The following SEPTIN7 variants were observed in gnomAD, a reference collection of about 807,000 sequenced individuals.
The protein encoded by SEPTIN7 is septin 7.
A neutral mutation model predicts 63.3 loss-of-function variants in SEPTIN7; 10 were observed. The ratio of observed to expected loss-of-function variants is 0.16; its 90% CI spans 0.10 to 0.27. SEPTIN7 has a LOEUF of 0.27. SEPTIN7 is among the 10% of genes least tolerant of loss of function. The pLI, the probability that SEPTIN7 is intolerant of heterozygous loss-of-function variation, is 1.00. For synonymous variants in SEPTIN7, 131 were observed against 165.3 expected, an observed-to-expected ratio of 0.79 and a Z score of 1.59; for missense variants, 310 against 521.0, an observed-to-expected ratio of 0.59 and a Z score of 3.94.
downstream of SEPTIN7, among the ~76,000 whole-genome samples, chr7:35,909,910 G>A (rs563771422): frequency 1.2e-4 from 19 of 152,356 alleles, no homozygotes; most frequent in African/African-American, 3.8e-4. Context: ...CGGTTTAGCT[G>A]GGTGGTCTGG....
chr7:35,812,171 G>A, intron 1 of SEPTIN7: 1 of 170,324 alleles, frequency 5.9e-6, no homozygotes, highest in Non-Finnish European at 1.3e-5. Flanking sequence ...TAGAGAGATG[G>A]CTAACTCAAC....
chr7:35,908,645 AG>A (rs569323883), downstream of SEPTIN7, among the ~76,000 whole-genome samples: 1 of 152,010 alleles, frequency 6.6e-6, no homozygotes, highest in East Asian at 1.9e-4. Flanking sequence ...AGGCTAGCAG[AG>A]GGGGGGTAGT....
At chr7:35,909,029 G>C (rs1228858434), downstream of SEPTIN7, among the ~76,000 whole-genome samples, 1 of 152,188 alleles carries the variant, frequency 6.6e-6, no homozygotes, top group East Asian at 1.9e-4. Context: ...GTGAAGTAAT[G>C]AGCACTCTGG....
At chr7:35,842,317 A>G (rs1784445907) in intron 3 of SEPTIN7, among the ~76,000 whole-genome samples, 1 of 151,272 alleles carries the variant, frequency 6.6e-6, no homozygotes, top group Admixed American at 6.6e-5. Flanking sequence ...AAATTTGCCA[A>G]CCTTGTTAAT....
At chr7:35,873,988 G>C in intron 6 of SEPTIN7, 1 of 451,080 alleles carries the variant, frequency 2.2e-6, no homozygotes. Flanking sequence ...TCATTCATAA[G>C]GATTTTCCCT....
intron 1 of SEPTIN7, among the ~76,000 whole-genome samples, chr7:35,828,422 C>T (rs1284896399): frequency 6.6e-6 from 1 of 152,124 alleles, no homozygotes; most frequent in African/African-American, 2.4e-5. Flanking sequence ...GTTGCCCAGG[C>T]TGGAGTGCAG....
At chr7:35,885,542 A>G (rs927160816) in intron 9 of SEPTIN7, among the ~76,000 whole-genome samples, 3 of 152,136 alleles carry the variant, frequency 2.0e-5, no homozygotes, top group African/African-American at 7.2e-5. Flanking sequence ...TTTTTTACCA[A>G]TAATAAGATT....
At chr7:35,811,805 T>C (rs1233466454) in intron 1 of SEPTIN7, among the ~76,000 whole-genome samples, 1 of 152,018 alleles carries the variant, frequency 6.6e-6, no homozygotes, top group Non-Finnish European at 1.5e-5. Context: ...GGGTGGATCA[T>C]GAGGTCAGGA....
Position 35,905,526 on chromosome 7 carries a change from T to A in SEPTIN7, c.*1233T>A, listed in dbSNP as rs1335476924. The stretch of plus-strand genomic sequence containing the variant: ...TATGCTTATTTTTCTGAGAACATTT[T>A]TTTTTTCCCCCAGACAGGGTCTTGC... On this transcript the variant is annotated 3_prime_UTR_variant, in exon 14 of 14. Transcript: ENST00000350320. The A allele has an allele frequency of 3.3e-5, 5 of 152,212 alleles. No homozygotes were observed. The highest frequency in any genetic ancestry group is 9.6e-5 in the African/African-American group (4 of 41,462). The allele number at this position is 152,212 out of a possible 1,614,324, so 9.4% of individuals were successfully genotyped here.
At chr7:35,844,925 T>G (rs914062645) in intron 3 of SEPTIN7, among the ~76,000 whole-genome samples, 1 of 152,144 alleles carries the variant, frequency 6.6e-6, no homozygotes, top group African/African-American at 2.4e-5. Flanking sequence ...CATTGTGTTG[T>G]GATTACAAAA....
At chr7:35,851,136 A>G (rs897778981) in intron 3 of SEPTIN7, among the ~76,000 whole-genome samples, 2 of 152,116 alleles carry the variant, frequency 1.3e-5, no homozygotes, top group African/African-American at 4.8e-5. Context: ...TTGAGTAGTG[A>G]TAGAATATGT....
rs752744325 is a variant in SEPTIN7 at position 35,907,004 on chromosome 7, T to C, written c.*2711T>C. 1.3e-5 allele frequency: 2 copies of C among 152,244 alleles called. No homozygotes were observed. The highest frequency in any genetic ancestry group is 4.8e-5 in the African/African-American group (2 of 41,460). 9.4% of individuals were successfully genotyped at this position (152,244 alleles called of 1,614,324 possible). ...TGTTGAGCATGTGTCCATAATTATA[T>C]GTATTGAACAATGAAAATATGTGTC... On this transcript the variant is annotated 3_prime_UTR_variant, in exon 14 of 14. Transcript: ENST00000350320.
chr7:35,853,874 C>T (rs866102766), intron 3 of SEPTIN7, among the ~76,000 whole-genome samples: 56 of 152,136 alleles, frequency 3.7e-4, no homozygotes, highest in African/African-American at 1.2e-3. Context: ...GTAGAACATA[C>T]TGCCTGGTGT....
intron 3 of SEPTIN7, among the ~76,000 whole-genome samples, chr7:35,850,037 A>G (rs1436967207): frequency 1.3e-5 from 2 of 152,262 alleles, no homozygotes; most frequent in Admixed American, 6.5e-5. Flanking sequence ...CATGAACATA[A>G]GAATTTCTTA....
the SEPTIN7 span, among the ~76,000 whole-genome samples, chr7:35,912,740 G>T: frequency 6.6e-6 from 1 of 152,326 alleles, no homozygotes; most frequent in South Asian, 2.1e-4. Context: ...GCCCTTCTAA[G>T]TTGTAAGATC....
At chr7:35,854,283 A>G (rs1249906910) in intron 3 of SEPTIN7, among the ~76,000 whole-genome samples, 1 of 152,196 alleles carries the variant, frequency 6.6e-6, no homozygotes, top group Non-Finnish European at 1.5e-5. Context: ...ACACAGAAGA[A>G]TTTATAACTT....
At chr7:35,907,628 C>T (rs1374926198), downstream of SEPTIN7, among the ~76,000 whole-genome samples, 10 of 152,094 alleles carry the variant, frequency 6.6e-5, no homozygotes, top group South Asian at 6.2e-4. Context: ...TTAAATATTA[C>T]GCCTTGCAAG....
At chr7:35,832,333 C>A (rs1202629317) in intron 2 of SEPTIN7, among the ~76,000 whole-genome samples, 4 of 152,010 alleles carry the variant, frequency 2.6e-5, no homozygotes, top group South Asian at 2.1e-4. Flanking sequence ...ATTTTGATTT[C>A]ATTTCATGAA....
intron 12 of SEPTIN7, chr7:35,900,879 C>CT (rs776410297): frequency 3.3e-5 from 5 of 152,134 alleles, no homozygotes; most frequent in Non-Finnish European, 4.4e-5. Flanking sequence ...ACCAGATACT[C>CT]TAAGCCATTA....
Sources: gnomAD v4.1 joint callset for allele counts (sites outside exome capture counted in the v4.1 genomes callset) on GRCh38, gnomAD v4.1.1 for gene constraint, MANE v1.5 for transcripts, NCBI Gene and HGNC (gene_info 2026-07-23, HGNC 2026-07-21) for gene names.